ZNF142: variants seen among roughly 807,000 people sequenced by gnomAD.
ZNF142 encodes the protein zinc finger protein 142, also known as zinc finger protein 142 (clone pHZ-49).
In ZNF142, 96 loss-of-function variants were observed where a neutral mutation model predicts 132.1. That is an observed-to-expected ratio of 0.73 (90% CI 0.62 to 0.86). The LOEUF (loss-of-function observed/expected upper bound fraction) is 0.86, where lower values mean the gene tolerates loss of function less well. Among genes scored for constraint, ZNF142 ranks in the 40% least tolerant of loss-of-function variants. ZNF142 has a pLI of 0.00. For synonymous variants in ZNF142, 842 were observed against 890.1 expected, an observed-to-expected ratio of 0.95 and a Z score of 0.96; for missense variants, 2,163 against 2,336.2, an observed-to-expected ratio of 0.93 and a Z score of 1.53.
chr2:218,650,579 A>G, intron 5 of ZNF142, 53 bp from the exon 6 acceptor site: 1 of 1,471,324 alleles, frequency 6.8e-7, no homozygotes, highest in Non-Finnish European at 9.0e-7. Flanking sequence ...ACAGCACTAA[A>G]TGCTTATACT....
intron 9 of ZNF142, among the ~76,000 whole-genome samples, chr2:218,641,182 T>A (rs889708201): frequency 5.3e-5 from 8 of 152,042 alleles, no homozygotes; most frequent in African/African-American, 1.9e-4. Flanking sequence ...CAAGCAATCC[T>A]CTGGCCTTGG....
At chr2:218,651,619 G>A in intron 5 of ZNF142, 82 bp downstream of exon 5, 1 of 1,194,316 alleles carries the variant, frequency 8.4e-7, no homozygotes, top group Non-Finnish European at 1.1e-6. Context: ...TACATTCATG[G>A]CCTTGGAAAC....
At position 218,650,568 on chromosome 2, in the gene ZNF142, A is replaced by G. The variant is rs1937892061; in HGVS notation, c.881-42T>C. 2.7e-6 allele frequency: 4 copies of G among 1,505,816 alleles called. No individual in the cohort carries two copies. The South Asian group carries it at 5.4e-5, about 20-fold the overall frequency. The allele number at this position is 1,505,816 out of a possible 1,614,324, so 93.3% of individuals were successfully genotyped here. A position where few individuals can be genotyped will look rare whatever the true frequency, so the allele number is the denominator to read the frequency against. ...CTTGATAAAGTCTACAGGAGCCAAT[A>G]ACAGCACTAAATGCTTATACTTCTC... is the stretch of plus-strand genomic sequence containing the variant. On this transcript the variant is annotated intron_variant, in intron 5 of 10. Coordinates refer to ENST00000411696, the MANE Select transcript of ZNF142 (RefSeq NM_001379659.1).
In ZNF142 at chr2:218,643,016, G is replaced by A. The variant is rs760245649; in HGVS notation, c.4100C>T (p.Pro1367Leu). 4 of 1,605,376 alleles carry A rather than the reference G, an allele frequency of 2.5e-6. No individual in the cohort carries two copies. Among genetic ancestry groups the A allele is most frequent in the Non-Finnish European group, 3.4e-6 (4 of 1,175,470 alleles). The change falls in exon 9 of 11, where the codon CCC becomes CTC. Residue 1367 changes from proline (P) to leucine (L), a missense_variant. Pro to Leu is a moderately conservative substitution (Grantham distance 98, BLOSUM62 -3). Coordinates refer to ENST00000411696, the MANE Select transcript of ZNF142 (RefSeq NM_001379659.1). ...GTCCCCACACTGTAGATGGGGCCGG[G>A]GCCCACGGGCTGGGGCTGCAGTGGG... is the stretch of plus-strand genomic sequence containing the variant. ...RHPTAAPARG[P>L]RPHLQCGDCG...
chr2:218,639,352 G>A (rs1696976865), intron 10 of ZNF142, among the ~76,000 whole-genome samples: 1 of 152,204 alleles, frequency 6.6e-6, no homozygotes, highest in Non-Finnish European at 1.5e-5. Flanking sequence ...AGCAATCAAT[G>A]TTGTGGGTGC....
chr2:218,633,971 G>A lies in ZNF142; in HGVS notation c.*4368C>T. On this transcript the variant is annotated 3_prime_UTR_variant, in exon 11 of 11. Coordinates refer to ENST00000411696, the MANE Select transcript of ZNF142 (RefSeq NM_001379659.1). ...AAAGCTGGTCTGGATGGACAGAGTA[G>A]AGAGGCACAGTGAAACTTTCTGGAG... 7.7e-7 allele frequency: 1 copy of A among 1,305,918 alleles called. No individual in the cohort carries two copies. Among genetic ancestry groups the A allele is most frequent in the Non-Finnish European group, 1.1e-6 (1 of 946,204 alleles). 80.9% of individuals were successfully genotyped at this position (1,305,918 alleles called of 1,614,324 possible).
Position 218,644,561 on chromosome 2 carries a change from A to G in ZNF142, c.2555T>C (p.Leu852Ser). ...HEPGTVVDPS[L>S]DQALPEMSEE... ...ACTCATCTCTGGCAGGGCCTGGTCC[A>G]AGCTGGGGTCCACCACAGTCCCAGG... is the stretch of plus-strand genomic sequence containing the variant. Residue 852 changes from leucine to serine, a missense_variant, in exon 9 of 11, where the codon TTG (leucine) becomes TCG (serine). Around this residue, in one of 7 missense-constraint regions of ZNF142, gnomAD observed 749 missense variants for 830.3 expected, o/e 0.90. Coordinates refer to ENST00000411696, the MANE Select transcript of ZNF142 (RefSeq NM_001379659.1). This position sits in a 1 kb window ranked among gnomAD's most constrained non-coding sequence, Gnocchi z 4.6. 1 of 1,614,070 alleles carries G rather than the reference A, an allele frequency of 6.2e-7. No individual in the cohort carries two copies. The highest frequency in any genetic ancestry group is 8.5e-7 in the Non-Finnish European group (1 of 1,180,028).
In ZNF142 at chr2:218,641,243, A is replaced by ATT. The variant is rs71276228; in HGVS notation, c.5089-476_5089-475dup. Among the ~76,000 whole-genome samples the ATT allele has an allele frequency of 5.9e-3, 616 of 103,902 alleles. 10 individuals carry two copies. The highest frequency in any genetic ancestry group is 0.019 in the African/African-American group (518 of 27,074). The allele number at this position is 103,902 out of a possible 152,430, so 68.2% of individuals were successfully genotyped here. On this transcript the variant is annotated intron_variant, in intron 9 of 10. Transcript: ENST00000411696. ...CGTGAGCCACCTCACCTGGCCGATA[A>ATT]TTTTTTTTTTTTTTTTTTTTTGAGA...
At chr2:218,645,146 C>G in intron 8 of ZNF142, 82 bp from the exon 9 acceptor site, 1 of 1,520,120 alleles carries the variant, frequency 6.6e-7, no homozygotes, top group Non-Finnish European at 8.9e-7. Flanking sequence ...TTACTGTGGG[C>G]CAGGCTCTGC....
At chr2:218,641,957 A>G in intron 9 of ZNF142, 71 bp downstream of exon 9, 1 of 1,537,800 alleles carries the variant, frequency 6.5e-7, no homozygotes, top group South Asian at 1.3e-5. Flanking sequence ...AGTCAGCTAT[A>G]GAGAACCAAG....
intron 7 of ZNF142, 109 bp downstream of exon 7, chr2:218,648,522 GATCT>G: frequency 3.0e-6 from 3 of 1,015,658 alleles, no homozygotes; most frequent in Non-Finnish European, 4.3e-6. Context: ...TGGAATGCTA[GATCT>G]ATCTCTAGGA....
chr2:218,636,974 C>T lies in ZNF142; in HGVS notation c.*1365G>A. On this transcript the variant is annotated 3_prime_UTR_variant, in exon 11 of 11. Coordinates refer to ENST00000411696, the MANE Select transcript of ZNF142 (RefSeq NM_001379659.1). ...ATAGAGAAACCTAAAGAAGCATCATCCCCTCCATCCCCAACTTCCTCAAAG... is the reference window on the plus strand; with the variant it reads ...ATAGAGAAACCTAAAGAAGCATCATTCCCTCCATCCCCAACTTCCTCAAAG... The T allele has an allele frequency of 2.2e-6, 1 of 452,618 alleles. No homozygotes were observed. Among genetic ancestry groups the T allele is most frequent in the Admixed American group, 2.4e-5 (1 of 41,798 alleles). The allele number at this position is 452,618 out of a possible 1,614,324, so 28.0% of individuals were successfully genotyped here.
In ZNF142 at chr2:218,648,921, T is replaced by C; in HGVS notation, c.1587A>G (p.Thr529=). The part of the protein sequence containing the change: ...RHHSCPMLFA[T]AEAMEAHHKS... ...TGTGGTGGGCCTCCATGGCTTCGGCTGTGGCAAAGAGCATGGGACATGAGT... is the reference window on the plus strand; with the variant it reads ...TGTGGTGGGCCTCCATGGCTTCGGCCGTGGCAAAGAGCATGGGACATGAGT... The change falls in exon 7 of 11, where the codon ACA becomes ACG. Residue 529 remains threonine (T), a synonymous_variant. Transcript: ENST00000411696. 1 of 1,613,836 alleles carries C rather than the reference T, an allele frequency of 6.2e-7. No individual in the cohort carries two copies. Among genetic ancestry groups the C allele is most frequent in the Non-Finnish European group, 8.5e-7 (1 of 1,180,032 alleles).
rs1281155636 is a variant in ZNF142 at position 218,643,727 on chromosome 2, G to A, written c.3389C>T (p.Ser1130Leu). The A allele has an allele frequency of 1.2e-6, 2 of 1,606,154 alleles. No individual in the cohort carries two copies. The highest frequency in any genetic ancestry group is 2.2e-5 in the East Asian group (1 of 44,814). The change falls in exon 9 of 11, where the codon TCA (serine) becomes TTA (leucine). Residue 1130 changes from serine (S) to leucine (L), a missense_variant. Coordinates refer to ENST00000411696, the MANE Select transcript of ZNF142 (RefSeq NM_001379659.1). ...DTESGKPPPA[S>L]QEAELLLPKD... Reference sequence around the variant, plus strand: ...TGGAAGCAGTAGCTCTGCTTCTTGTGATGCAGGTGGGGGCTTCCCACTTTC... The same window carrying A: ...TGGAAGCAGTAGCTCTGCTTCTTGTAATGCAGGTGGGGGCTTCCCACTTTC...
intron 10 of ZNF142, 112 bp from the exon 11 acceptor site, chr2:218,638,920 G>T: frequency 1.2e-6 from 1 of 823,912 alleles, no homozygotes; most frequent in Non-Finnish European, 1.9e-6. Flanking sequence ...GTTGACTAAT[G>T]ACCATCTCTT....
In ZNF142 at chr2:218,648,637, G is replaced by A. The variant is rs762327680; in HGVS notation, c.1871C>T (p.Thr624Met). 39 of 1,611,616 alleles carry A rather than the reference G, an allele frequency of 2.4e-5. No individual in the cohort carries two copies. Among genetic ancestry groups the A allele is most frequent in the Admixed American group, 3.3e-5 (2 of 59,968 alleles). Reference sequence around the variant, plus strand: ...TTTAAGGATGGAAACCATCCTACCCGTATGTAGAAGCATGTGTCGGATGAG... The same window carrying A: ...TTTAAGGATGGAAACCATCCTACCCATATGTAGAAGCATGTGTCGGATGAG... ...RVLIRHMLLH[T>M]GEKPHKCELC... The change falls in exon 7 of 11, where the codon ACG becomes ATG. Residue 624 changes from threonine to methionine, a missense_variant and splice_region_variant. By Grantham distance (81) the Thr-to-Met change is moderately conservative (BLOSUM62 -1). Coordinates refer to ENST00000411696, the MANE Select transcript of ZNF142 (RefSeq NM_001379659.1).
rs1307130855 is a variant in ZNF142 at position 218,653,707 on chromosome 2, A to G, written c.281-1407T>C. On this transcript the variant is annotated intron_variant, in intron 4 of 10. Transcript: ENST00000411696. The stretch of plus-strand genomic sequence containing the variant: ...TGACCCTTTTCTTTCCACTTGCTAT[A>G]TATCAAAGATATTTTTATCTTTGAG... 5.3e-5 allele frequency among the ~76,000 whole-genome samples: 8 copies of G among 152,320 alleles called. 1 individual carries two copies. The East Asian group carries it at 1.5e-3, about 29-fold the overall frequency.
In ZNF142 at chr2:218,633,469, C is replaced by CT. The variant is rs770136502; in HGVS notation, c.*4869dup. 9.5e-7 allele frequency: 1 copy of CT among 1,051,838 alleles called. No homozygotes were observed. Among genetic ancestry groups the CT allele is most frequent in the Non-Finnish European group, 1.4e-6 (1 of 692,830 alleles). 65.2% of individuals were successfully genotyped at this position (1,051,838 alleles called of 1,614,324 possible). On this transcript the variant is annotated 3_prime_UTR_variant, in exon 11 of 11. Transcript: ENST00000411696. The stretch of plus-strand genomic sequence containing the variant: ...CTATTTCCAAGCCTGAGTCCCTTCT[C>CT]TTGTCCCGGCAGGTGAGGCAGGAGG...
In ZNF142 at chr2:218,643,362, C is replaced by G. The variant is rs1697418167; in HGVS notation, c.3754G>C (p.Gly1252Arg). The G allele has an allele frequency of 3.7e-6, 6 of 1,614,206 alleles. No homozygotes were observed. Among genetic ancestry groups the G allele is most frequent in the Non-Finnish European group, 4.2e-6 (5 of 1,180,032 alleles). Residue 1252 changes from glycine to arginine, a missense_variant, in exon 9 of 11, where the codon GGA (glycine) becomes CGA (arginine). This residue lies in a region of ZNF142 where 809 missense variants were observed against 801.7 expected (regional missense o/e 1.01). Coordinates refer to ENST00000411696, the MANE Select transcript of ZNF142 (RefSeq NM_001379659.1). Reference sequence around the variant, plus strand: ...CCTCGTTTTCCTCCCCCGCCACGTCCCCCCCTGCAGCCTTCAGCCACGTGA... The same window carrying G: ...CCTCGTTTTCCTCCCCCGCCACGTCGCCCCCTGCAGCCTTCAGCCACGTGA... ...TSHVAEGCRG[G>R]RGGGGKRGTP... is the part of the protein sequence containing the mutation.
Sources: gnomAD v4.1 joint callset for allele counts (sites outside exome capture counted in the v4.1 genomes callset) on GRCh38, gnomAD v4.1.1 for gene constraint, gnomAD v4.1.1 regional missense constraint, Gnocchi (gnomAD v3.1) non-coding constraint, MANE v1.5 for transcripts, NCBI Gene and HGNC (gene_info 2026-07-23, HGNC 2026-07-21) for gene names.